RARB: variants seen among roughly 807,000 people sequenced by gnomAD.
The protein encoded by RARB is retinoic acid receptor beta.
A neutral mutation model predicts 51.9 loss-of-function variants in RARB; 17 were observed. The observed-to-expected ratio is 0.33, with a 90% CI of 0.22 to 0.49. RARB has a LOEUF of 0.49. RARB is among the 20% of genes least tolerant of loss of function. RARB has a pLI of 0.99. For missense variants in RARB, 369 were observed against 550.8 expected, an observed-to-expected ratio of 0.67 and a Z score of 3.30; for synonymous variants, 215 against 195.4, an observed-to-expected ratio of 1.10 and a Z score of -0.84.
At chr3:24,842,363 C>T (rs867663650) in intron 1 of RARB, among the ~76,000 whole-genome samples, 8 of 151,950 alleles carry the variant, frequency 5.3e-5, no homozygotes, top group Middle Eastern at 3.4e-3. Flanking sequence ...AAAATAAATG[C>T]CAATTGGGCT....
chr3:24,942,348 T>G (rs1435977687), intron 2 of RARB, among the ~76,000 whole-genome samples: 1 of 152,172 alleles, frequency 6.6e-6, no homozygotes, highest in Non-Finnish European at 1.5e-5. Flanking sequence ...TATCAAATCT[T>G]AAATTTGAAA....
chr3:25,075,469 C>G (rs1203131744), intron 3 of RARB, among the ~76,000 whole-genome samples: 2 of 152,104 alleles, frequency 1.3e-5, no homozygotes, highest in East Asian at 3.9e-4. Flanking sequence ...ATTCCTGAGC[C>G]AATACCCTAC....
At chr3:24,882,872 CA>C (rs1465068702) in intron 2 of RARB, among the ~76,000 whole-genome samples, 2 of 152,158 alleles carry the variant, frequency 1.3e-5, no homozygotes, top group East Asian at 3.8e-4. Context: ...GCATATATGA[CA>C]GAACTCTGAC....
chr3:25,161,417 T>C (rs1700471291), intron 4 of RARB, among the ~76,000 whole-genome samples: 1 of 152,148 alleles, frequency 6.6e-6, no homozygotes, highest in Non-Finnish European at 1.5e-5. Flanking sequence ...TCTCAGGTTC[T>C]GGGAATTAGA....
chr3:25,294,665 AG>A (rs1170121551), intron 5 of RARB, among the ~76,000 whole-genome samples: 1 of 149,268 alleles, frequency 6.7e-6, no homozygotes, highest in African/African-American at 2.5e-5. Context: ...AAGCCACCTA[AG>A]GCAGAGGGAG....
At chr3:25,379,473 G>A (rs1706562730) in intron 5 of RARB, among the ~76,000 whole-genome samples, 1 of 152,188 alleles carries the variant, frequency 6.6e-6, no homozygotes, top group African/African-American at 2.4e-5. Context: ...AACAAGAAAA[G>A]CAGTGCCTGT....
At chr3:25,200,280 T>C (rs1227307289) in intron 5 of RARB, among the ~76,000 whole-genome samples, 1 of 151,894 alleles carries the variant, frequency 6.6e-6, no homozygotes, top group Non-Finnish European at 1.5e-5. Flanking sequence ...TTTGCCCACT[T>C]TCTGGTGGGT....
intron 2 of RARB, among the ~76,000 whole-genome samples, chr3:24,908,038 C>T (rs577607227): frequency 2.4e-4 from 37 of 152,180 alleles, no homozygotes; most frequent in Middle Eastern, 3.4e-3. Context: ...ATCCCAGAGA[C>T]GCTCAGGATT....
chr3:25,328,734 A>C (rs1224474789), intron 5 of RARB, among the ~76,000 whole-genome samples: 1 of 152,160 alleles, frequency 6.6e-6, no homozygotes, highest in Non-Finnish European at 1.5e-5. Flanking sequence ...GCATCACTGC[A>C]CCCGGGAAGC....
At chr3:25,076,259 A>G (rs1462566685) in intron 3 of RARB, among the ~76,000 whole-genome samples, 3 of 151,672 alleles carry the variant, frequency 2.0e-5, no homozygotes, top group African/African-American at 7.3e-5. Context: ...TCTTGCCTCA[A>G]CCTCCTGAGT....
At chr3:25,266,366 C>A (rs1016044869) in intron 5 of RARB, among the ~76,000 whole-genome samples, 1 of 152,064 alleles carries the variant, frequency 6.6e-6, no homozygotes, top group African/African-American at 2.4e-5. Flanking sequence ...GTTTTTCTGT[C>A]CTTTTTCAAT....
intron 1 of RARB, among the ~76,000 whole-genome samples, chr3:25,435,928 A>G (rs916445905): frequency 6.6e-6 from 1 of 152,202 alleles, no homozygotes; most frequent in African/African-American, 2.4e-5. Context: ...TTGCCATTTT[A>G]TTACAAAAAA....
At chr3:24,998,141 A>G (rs1575111832) in intron 2 of RARB, among the ~76,000 whole-genome samples, 1 of 152,048 alleles carries the variant, frequency 6.6e-6, no homozygotes, top group South Asian at 2.1e-4. Flanking sequence ...ATCCATTTCA[A>G]TATTCATTTT....
intron 5 of RARB, among the ~76,000 whole-genome samples, chr3:25,581,948 A>T (rs1298822102): frequency 1.3e-5 from 2 of 152,056 alleles, no homozygotes; most frequent in African/African-American, 4.8e-5. Context: ...CTGAACTAAG[A>T]CAGGAGGGCA....
chr3:25,362,730 T>C (rs186914625), intron 5 of RARB, among the ~76,000 whole-genome samples: 124 of 152,226 alleles, frequency 8.1e-4, no homozygotes, highest in African/African-American at 2.9e-3. Context: ...GGGAGGGAGT[T>C]CCCTGACTCC....
chr3:25,111,049 GTCTT>G (rs1201045301), intron 3 of RARB, among the ~76,000 whole-genome samples: 7 of 152,152 alleles, frequency 4.6e-5, no homozygotes, highest in Non-Finnish European at 1.0e-4. Flanking sequence ...AGCCTCTTGA[GTCTT>G]TCTAAGGCTT....
At chr3:25,117,208 A>G (rs1467301681) in intron 3 of RARB, among the ~76,000 whole-genome samples, 1 of 152,174 alleles carries the variant, frequency 6.6e-6, no homozygotes, top group Non-Finnish European at 1.5e-5. Context: ...TTCAATAAGT[A>G]ACTAAAATCA....
At chr3:25,287,570 A>G (rs1703686890) in intron 5 of RARB, among the ~76,000 whole-genome samples, 2 of 152,146 alleles carry the variant, frequency 1.3e-5, no homozygotes, top group African/African-American at 4.8e-5. Flanking sequence ...CTCCTTTAGT[A>G]TTGGGCCAAG....
At chr3:25,558,999 C>A (rs1380478627) in intron 3 of RARB, among the ~76,000 whole-genome samples, 1 of 152,154 alleles carries the variant, frequency 6.6e-6, no homozygotes, top group Non-Finnish European at 1.5e-5. Context: ...CTCCACTCCC[C>A]TTCAAACATG....
Sources: gnomAD v4.1 joint callset for allele counts (sites outside exome capture counted in the v4.1 genomes callset) on GRCh38, gnomAD v4.1.1 for gene constraint, MANE v1.5 for transcripts, NCBI Gene and HGNC (gene_info 2026-07-23, HGNC 2026-07-21) for gene names.